The following STARD3 variants were observed in gnomAD, a reference collection of about 807,000 sequenced individuals.
STARD3 encodes stAR-related lipid transfer protein 3.
Under a neutral mutation model 62.0 loss-of-function variants are expected in STARD3, and 39 were observed. That is an observed-to-expected ratio of 0.63 (90% CI 0.49 to 0.82). STARD3 has a LOEUF of 0.82. STARD3 is among the 40% of genes least tolerant of loss of function. The pLI is 0.00. For missense variants in STARD3, 543 were observed against 584.5 expected (o/e 0.93, Z 0.73); for synonymous variants, 229 against 242.4 (o/e 0.94, Z 0.51).
chr17:39,654,810 A>G (rs1417880005), intron 2 of STARD3, among the ~76,000 whole-genome samples: 2 of 152,236 alleles, frequency 1.3e-5, no homozygotes, highest in Admixed American at 6.5e-5. Context: ...CAAGAAAACA[A>G]TGTCTTGTTA....
At position 39,662,940 on chromosome 17, in the gene STARD3, C is replaced by G; in HGVS notation, c.*32C>G. The G allele has an allele frequency of 6.3e-7, 1 of 1,576,980 alleles. No individual in the cohort carries two copies. Among genetic ancestry groups the G allele is most frequent in the Non-Finnish European group, 8.6e-7 (1 of 1,157,800 alleles). ...CCCCTCCCACCCTGCGGGCCAGGGT[C>G]CTGTCGCCACCACTTCCAGAGCCAG... On this transcript the variant is annotated 3_prime_UTR_variant, in exon 15 of 15. Coordinates refer to ENST00000336308, the MANE Select transcript of STARD3 (RefSeq NM_006804.4).
intron 1 of STARD3, among the ~76,000 whole-genome samples, chr17:39,647,672 C>T (rs997012663): frequency 2.6e-5 from 4 of 152,174 alleles, no homozygotes; most frequent in African/African-American, 4.8e-5. Context: ...TGAGTGAGCC[C>T]CATTTTCAAA....
chr17:39,655,349 AT>A (rs60170620), intron 2 of STARD3, among the ~76,000 whole-genome samples: 12,959 of 140,868 alleles, frequency 0.092, 836 homozygotes, highest in African/African-American at 0.19. Context: ...ACATTTGGCT[AT>A]TTTTTTTTTT....
intron 1 of STARD3, among the ~76,000 whole-genome samples, chr17:39,648,724 C>T (rs886268070): frequency 3.3e-5 from 5 of 152,132 alleles, no homozygotes; most frequent in African/African-American, 4.8e-5. Context: ...CCCCTGCCTT[C>T]GAGCCCCCAT....
In STARD3 at chr17:39,660,419, G is replaced by A. The variant is rs372696759; in HGVS notation, c.859-12G>A. ...ATCTGGCACCACCCAGCCCTCTGCC[G>A]CCCTGTCCCAGACCTTCCTGCCCTG... is the stretch of plus-strand genomic sequence containing the variant. On this transcript the variant is annotated splice_polypyrimidine_tract_variant and intron_variant, in intron 10 of 14. Coordinates refer to ENST00000336308, the MANE Select transcript of STARD3 (RefSeq NM_006804.4). The surrounding 1 kb of genome is among the most constrained non-coding windows in gnomAD (Gnocchi z 4.8). 8.1e-6 allele frequency: 13 copies of A among 1,613,306 alleles called. No individual in the cohort carries two copies. Among genetic ancestry groups the A allele is most frequent in the Admixed American group, 1.7e-5 (1 of 59,994 alleles).
intron 1 of STARD3, among the ~76,000 whole-genome samples, chr17:39,643,764 ACTCT>A (rs1272097380): frequency 3.3e-5 from 5 of 152,028 alleles, no homozygotes; most frequent in Admixed American, 2.6e-4. Context: ...AGAGCTCAAG[ACTCT>A]CTCTTTCTCT....
intron 1 of STARD3, among the ~76,000 whole-genome samples, chr17:39,637,923 A>T (rs1483121505): frequency 2.0e-5 from 3 of 151,852 alleles, no homozygotes; most frequent in Non-Finnish European, 2.9e-5. Flanking sequence ...CACCAACTAA[A>T]TACCCAGATC....
chr17:39,658,907 T>TATCAG, intron 7 of STARD3, 87 bp downstream of exon 7: 1 of 1,566,372 alleles, frequency 6.4e-7, no homozygotes, highest in South Asian at 1.1e-5. Flanking sequence ...CTATTCCTTC[T>TATCAG]ATCAGGCTCC....
chr17:39,661,111 C>G (rs753706812), intron 13 of STARD3, 26 bp downstream of exon 13: 1 of 1,600,890 alleles, frequency 6.2e-7, no homozygotes, highest in Non-Finnish European at 8.5e-7. Context: ...CCTGGGGTCA[C>G]CCCTGCCAGC....
At chr17:39,656,937 T>A (rs2145004776) in intron 2 of STARD3, 71 bp from the exon 3 acceptor site, 1 of 1,503,702 alleles carries the variant, frequency 6.7e-7, no homozygotes, top group Non-Finnish European at 9.2e-7. Context: ...CTCTTGCCCC[T>A]TCCGGGAGGT....
Position 39,650,329 on chromosome 17 carries a change from G to A in STARD3, c.-51-3152G>A, listed in dbSNP as rs141947686. 6.6e-3 allele frequency among the ~76,000 whole-genome samples: 1,005 copies of A among 152,276 alleles called. 9 individuals are homozygous for A. The highest frequency in any genetic ancestry group is 0.023 in the African/African-American group (953 of 41,538). On this transcript the variant is annotated intron_variant, in intron 1 of 14. Coordinates refer to ENST00000336308, the MANE Select transcript of STARD3 (RefSeq NM_006804.4). ...GCTACAAGCTGAGTCACGCCAGATT[G>A]CTCGCACACCGTCAGGAGCCAGGAA...
In STARD3 at chr17:39,658,388, GC is replaced by G. The variant is rs2057155425; in HGVS notation, c.430-12del. The G allele has an allele frequency of 6.2e-7, 1 of 1,609,624 alleles. No homozygotes were observed. Among genetic ancestry groups the G allele is most frequent in the South Asian group, 1.1e-5 (1 of 90,856 alleles). On this transcript the variant is annotated splice_polypyrimidine_tract_variant and intron_variant, in intron 5 of 14. Coordinates refer to ENST00000336308, the MANE Select transcript of STARD3 (RefSeq NM_006804.4). ...GGGGTGACCCCTGCCATGGAGCTCA[GC>G]CCCCTCCCTTCACAGCTGCTCAGCA...
Position 39,659,446 on chromosome 17 carries a change from C to T in STARD3, c.703-15C>T. ...GCCCCAGGCTGACCCCTCCCTGCCT[C>T]CTGCTTCCGTCCAGGAGCGGGAGTA... On this transcript the variant is annotated splice_polypyrimidine_tract_variant and intron_variant, in intron 8 of 14. Coordinates refer to ENST00000336308, the MANE Select transcript of STARD3 (RefSeq NM_006804.4). 1.2e-6 allele frequency: 2 copies of T among 1,613,782 alleles called. No homozygotes were observed. Among genetic ancestry groups the T allele is most frequent in the Non-Finnish European group, 1.7e-6 (2 of 1,179,776 alleles).
At chr17:39,656,765 C>A in intron 2 of STARD3, 1 of 515,396 alleles carries the variant, frequency 1.9e-6, no homozygotes, top group Non-Finnish European at 3.5e-6. Context: ...GGGCAGGGTG[C>A]TGGAAGCTAG....
chr17:39,642,689 A>G (rs185108585), intron 1 of STARD3, among the ~76,000 whole-genome samples: 3 of 152,298 alleles, frequency 2.0e-5, no homozygotes, highest in Admixed American at 1.3e-4. Context: ...GTCAGGGGTG[A>G]CAAGTGCTGT....
chr17:39,637,768 T>C (rs2056946089), intron 1 of STARD3, among the ~76,000 whole-genome samples: 1 of 152,198 alleles, frequency 6.6e-6, no homozygotes, highest in African/African-American at 2.4e-5. Flanking sequence ...CCCCGCATTT[T>C]TGGGTTAGTC....
chr17:39,662,962 C>A lies in STARD3; in HGVS notation c.*54C>A. ...GGTCCTGTCGCCACCACTTCCAGAGCCAGAAAGGGTGCCAGTTGGGCTCGC... is the reference window on the plus strand; with the variant it reads ...GGTCCTGTCGCCACCACTTCCAGAGACAGAAAGGGTGCCAGTTGGGCTCGC... On this transcript the variant is annotated 3_prime_UTR_variant, in exon 15 of 15. Coordinates refer to ENST00000336308, the MANE Select transcript of STARD3 (RefSeq NM_006804.4). The A allele has an allele frequency of 1.3e-6, 2 of 1,541,540 alleles. No homozygotes were observed. Among genetic ancestry groups the A allele is most frequent in the Non-Finnish European group, 8.8e-7 (1 of 1,135,788 alleles).
At chr17:39,651,154 G>C (rs1425243220) in intron 1 of STARD3, among the ~76,000 whole-genome samples, 1 of 152,182 alleles carries the variant, frequency 6.6e-6, no homozygotes, top group Non-Finnish European at 1.5e-5. Context: ...TGTGGTGTTG[G>C]GAGTAGCCTT....
rs975544427 is a variant in STARD3 at position 39,653,462 on chromosome 17, G to A, written c.-51-19G>A. The A allele has an allele frequency of 3.3e-6, 5 of 1,520,102 alleles. No homozygotes were observed. The highest frequency in any genetic ancestry group is 3.6e-6 in the Non-Finnish European group (4 of 1,124,720). The allele number at this position is 1,520,102 out of a possible 1,614,324, so 94.2% of individuals were successfully genotyped here. ...GACAGGAGGAGTTTGACAGGACTCT[G>A]CCTCTGCCTCGCCCCCAGCCCTGCT... On this transcript the variant is annotated intron_variant, in intron 1 of 14. Coordinates refer to ENST00000336308, the MANE Select transcript of STARD3 (RefSeq NM_006804.4).
Sources: gnomAD v4.1 joint callset for allele counts (sites outside exome capture counted in the v4.1 genomes callset) on GRCh38, gnomAD v4.1.1 for gene constraint, Gnocchi (gnomAD v3.1) non-coding constraint, MANE v1.5 for transcripts, NCBI Gene and HGNC (gene_info 2026-07-23, HGNC 2026-07-21) for gene names.